Variants in MAP3K4 observed in about 807,000 individuals in gnomAD.
The protein encoded by MAP3K4 is MAP three kinase 1.
Under a neutral mutation model 185.6 loss-of-function variants are expected in MAP3K4, and 67 were observed. The ratio of observed to expected loss-of-function variants is 0.36; its 90% CI spans 0.30 to 0.44. The LOEUF is 0.44. MAP3K4 is among the 20% of genes least tolerant of loss of function. The probability of loss-of-function intolerance (pLI) is 1.00; values close to 1 mark genes in which losing one functional copy is unlikely to be tolerated. For missense variants in MAP3K4, 1,551 were observed against 1,995.1 expected (o/e 0.78, Z 4.24); for synonymous variants, 702 against 710.4 (o/e 0.99, Z 0.19).
At position 161,098,399 on chromosome 6, in the gene MAP3K4, A is replaced by G; in HGVS notation, c.3646A>G (p.Lys1216Glu). The part of the protein sequence containing the change: ...SPSGGDSVLP[K>E]SISSAHDTRG... Reference sequence around the variant, plus strand: ...CTCTGGTGGTGACTCTGTGCTGCCCAAATCCATCAGCAGTGCCCATGATAC... The same window carrying G: ...CTCTGGTGGTGACTCTGTGCTGCCCGAATCCATCAGCAGTGCCCATGATAC... Residue 1216 changes from lysine to glutamate, a missense_variant, in exon 17 of 27, where the codon AAA (lysine) becomes GAA (glutamate). This residue lies in a region of MAP3K4 where 272 missense variants were observed against 301.2 expected (regional missense o/e 0.90). Transcript: ENST00000392142. The surrounding 1 kb of genome is among the most constrained non-coding windows in gnomAD (Gnocchi z 4.4). 6.2e-7 allele frequency: 1 copy of G among 1,613,814 alleles called. No individual in the cohort carries two copies. The highest frequency in any genetic ancestry group is 8.5e-7 in the Non-Finnish European group (1 of 1,179,960).
At chr6:161,010,866 G>T (rs765648612) in intron 1 of MAP3K4, among the ~76,000 whole-genome samples, 1 of 152,178 alleles carries the variant, frequency 6.6e-6, no homozygotes, top group Non-Finnish European at 1.5e-5. Flanking sequence ...TATATTTATT[G>T]TGTATAGCTT....
At position 161,082,949 on chromosome 6, in the gene MAP3K4, A is replaced by C. The variant is rs1785526921; in HGVS notation, c.2256-1552A>C. 6.6e-6 allele frequency among the ~76,000 whole-genome samples: 1 copy of C among 152,198 alleles called. No homozygotes were observed. On this transcript the variant is annotated intron_variant, in intron 6 of 26. Transcript: ENST00000392142. The surrounding 1 kb of genome is among the most constrained non-coding windows in gnomAD (Gnocchi z 4.2). ...CTCCCCATCTTACTCAGGAAACGTA[A>C]GACTGCCTAACAATGGCCCGCAAGG...
chr6:160,994,005 A>C (rs1780873398), intron 1 of MAP3K4, among the ~76,000 whole-genome samples: 1 of 151,994 alleles, frequency 6.6e-6, no homozygotes, highest in Non-Finnish European at 1.5e-5. Context: ...TGACAGAATT[A>C]CTGTAGATCT....
In MAP3K4 at chr6:161,100,208, G is replaced by A. The variant is rs147930791; in HGVS notation, c.3675-1684G>A. On this transcript the variant is annotated intron_variant, in intron 17 of 26. Transcript: ENST00000392142. The surrounding 1 kb of genome is among the most constrained non-coding windows in gnomAD (Gnocchi z 5.8). ...GGGCCCGTGAGTCACTGGTGGATTC[G>A]GCCCACTGCTCCCGAGGCAGACTTC... 3.5e-3 allele frequency among the ~76,000 whole-genome samples: 526 copies of A among 152,182 alleles called. 4 individuals are homozygous for A. The highest frequency in any genetic ancestry group is 0.012 in the African/African-American group (501 of 41,512).
chr6:161,048,470 A>G lies in MAP3K4; in HGVS notation c.344-146A>G, dbSNP rs1200977051. ...GTCATATATATTTTTTGATTCCTTT[A>G]ATTTTTAGGATATGGTATGCTTTTT... On this transcript the variant is annotated intron_variant, in intron 2 of 26. Coordinates refer to ENST00000392142, the MANE Select transcript of MAP3K4 (RefSeq NM_005922.4). The surrounding 1 kb of genome is among the most constrained non-coding windows in gnomAD (Gnocchi z 4.7). 6 of 598,152 alleles carry G rather than the reference A, an allele frequency of 1.0e-5. No homozygotes were observed. The highest frequency in any genetic ancestry group is 1.7e-5 in the Non-Finnish European group (6 of 350,530). 37.1% of individuals were successfully genotyped at this position (598,152 alleles called of 1,614,324 possible).
At position 161,049,687 on chromosome 6, in the gene MAP3K4, C is replaced by A. The variant is rs747572106; in HGVS notation, c.1415C>A (p.Pro472Gln). Residue 472 changes from proline (P) to glutamine (Q), a missense_variant, in exon 3 of 27, where the codon CCG (proline) becomes CAG (glutamine). Pro to Gln is a moderately conservative substitution (Grantham distance 76, BLOSUM62 -1). Around this residue, in one of 16 missense-constraint regions of MAP3K4, gnomAD observed 126 missense variants for 112.8 expected, o/e 1.12. Coordinates refer to ENST00000392142, the MANE Select transcript of MAP3K4 (RefSeq NM_005922.4). The surrounding 1 kb of genome is among the most constrained non-coding windows in gnomAD (Gnocchi z 8.4). The part of the protein sequence containing the change: ...EEEQISDPRV[P>Q]EIRQPIDNSF... ...GAACAAATCTCTGATCCTAGGGTACCGGAAATCAGACAGCCCATAGATAAC... is the reference window on the plus strand; with the variant it reads ...GAACAAATCTCTGATCCTAGGGTACAGGAAATCAGACAGCCCATAGATAAC... The A allele has an allele frequency of 3.1e-6, 5 of 1,614,026 alleles. No individual in the cohort carries two copies. In the South Asian group the frequency reaches 5.5e-5, roughly 18 times the overall value.
chr6:161,101,927 C>T lies in MAP3K4; in HGVS notation c.3710C>T (p.Ser1237Phe), dbSNP rs751808280. ...SSVPENDRLASIAAELQFRSL... is the reference protein window; with the variant it reads ...SSVPENDRLAFIAAELQFRSL... ...GTTCCTGAAAATGATCGATTGGCTT[C>T]CATAGCTGCTGAATTGCAGTTTAGG... Residue 1237 changes from serine (S) to phenylalanine (F), a missense_variant, in exon 18 of 27, where the codon TCC becomes TTC. Ser to Phe is a radical substitution (Grantham distance 155). Around this residue, in one of 16 missense-constraint regions of MAP3K4, gnomAD observed 272 missense variants for 301.2 expected, o/e 0.90. Transcript: ENST00000392142. The surrounding 1 kb of genome is among the most constrained non-coding windows in gnomAD (Gnocchi z 5.1). The T allele has an allele frequency of 2.9e-5, 46 of 1,613,962 alleles. No homozygotes were observed. Among genetic ancestry groups the T allele is most frequent in the Non-Finnish European group, 3.9e-5 (46 of 1,179,988 alleles).
Position 161,108,536 on chromosome 6 carries a change from C to T in MAP3K4, c.4120-207C>T, listed in dbSNP as rs1778208508. Among the ~76,000 whole-genome samples the T allele has an allele frequency of 6.6e-6, 1 of 152,140 alleles. No homozygotes were observed. Among genetic ancestry groups the T allele is most frequent in the Non-Finnish European group, 1.5e-5 (1 of 68,028 alleles). The stretch of plus-strand genomic sequence containing the variant: ...CTCCCTCTCGGAGCAGGGCCTCTTC[C>T]TCCTCTGTGCCCGGGACCTACCCGC... On this transcript the variant is annotated intron_variant, in intron 21 of 26. Coordinates refer to ENST00000392142, the MANE Select transcript of MAP3K4 (RefSeq NM_005922.4). The surrounding 1 kb of genome is among the most constrained non-coding windows in gnomAD (Gnocchi z 5.7).
Position 161,046,534 on chromosome 6 carries a change from TAA to T in MAP3K4, c.344-2081_344-2080del, listed in dbSNP as rs1554277427. On this transcript the variant is annotated intron_variant, in intron 2 of 26. Coordinates refer to ENST00000392142, the MANE Select transcript of MAP3K4 (RefSeq NM_005922.4). ...AAATTTTAAATTTAAAAAATAATAA[TAA>T]TAGTAGTTTGTATACTAAAATACAG... 5.8e-4 allele frequency among the ~76,000 whole-genome samples: 6 copies of T among 10,286 alleles called. No individual in the cohort carries two copies. In the Admixed American group the frequency reaches 9.8e-3, roughly 17 times the overall value. The allele number at this position is 10,286 out of a possible 152,430, so 6.7% of individuals were successfully genotyped here. A position where few individuals can be genotyped will look rare whatever the true frequency, so the allele number is the denominator to read the frequency against.
intron 1 of MAP3K4, among the ~76,000 whole-genome samples, chr6:161,015,649 C>T (rs897465784): frequency 1.3e-5 from 2 of 152,084 alleles, no homozygotes; most frequent in African/African-American, 4.8e-5. Context: ...GAAGGGGAGC[C>T]AGCGTGTGCA....
intron 3 of MAP3K4, among the ~76,000 whole-genome samples, chr6:161,057,590 A>G (rs896638559): frequency 5.0e-4 from 76 of 152,182 alleles, no homozygotes; most frequent in African/African-American, 1.8e-3. Flanking sequence ...GAGCACTGAC[A>G]TTGTAAACAA....
At chr6:161,081,188 G>A (rs965021437) in intron 6 of MAP3K4, 150 bp downstream of exon 6, 1 of 859,436 alleles carries the variant, frequency 1.2e-6, no homozygotes, top group Admixed American at 3.1e-5. Context: ...TCCAAGTTTT[G>A]AGTGGTGTTT....
rs1436929288 is a variant in MAP3K4, at chr6:161,074,112, T to C, written c.2097+500T>C. On this transcript the variant is annotated intron_variant, in intron 5 of 26. Coordinates refer to ENST00000392142, the MANE Select transcript of MAP3K4 (RefSeq NM_005922.4). This position sits in a 1 kb window ranked among gnomAD's most constrained non-coding sequence, Gnocchi z 5.0. Reference sequence around the variant, plus strand: ...CGTAGTCTGGTGGGACTAGGCATGGTAGATGGTAACGCCCCCGAGGGCTCG... The same window carrying C: ...CGTAGTCTGGTGGGACTAGGCATGGCAGATGGTAACGCCCCCGAGGGCTCG... 6.6e-6 allele frequency among the ~76,000 whole-genome samples: 1 copy of C among 152,188 alleles called. No individual in the cohort carries two copies. Among genetic ancestry groups the C allele is most frequent in the Non-Finnish European group, 1.5e-5 (1 of 68,032 alleles).
In MAP3K4 at chr6:161,112,885, C is replaced by T. The variant is rs1176796085; in HGVS notation, c.4626+111C>T. On this transcript the variant is annotated intron_variant, in intron 25 of 26. Coordinates refer to ENST00000392142, the MANE Select transcript of MAP3K4 (RefSeq NM_005922.4). This position sits in a 1 kb window ranked among gnomAD's most constrained non-coding sequence, Gnocchi z 5.1. ...TACAAACACTGTGGACACTAAATAG[C>T]GAACGATATTAGATACAAAAATCTG... 4 of 589,288 alleles carry T rather than the reference C, an allele frequency of 6.8e-6. No homozygotes were observed. The highest frequency in any genetic ancestry group is 1.2e-4 in the South Asian group (2 of 17,254). 36.5% of individuals were successfully genotyped at this position (589,288 alleles called of 1,614,324 possible). A position where few individuals can be genotyped will look rare whatever the true frequency, so the allele number is the denominator to read the frequency against.
At chr6:161,018,509 C>T (rs1012847907) in intron 1 of MAP3K4, among the ~76,000 whole-genome samples, 1 of 152,054 alleles carries the variant, frequency 6.6e-6, no homozygotes, top group Non-Finnish European at 1.5e-5. Context: ...GGAAAAGCTT[C>T]TATGGAATTG....
intron 13 of MAP3K4, 108 bp from the exon 14 acceptor site, chr6:161,092,870 G>T: frequency 3.1e-6 from 2 of 637,516 alleles, no homozygotes; most frequent in Non-Finnish European, 5.5e-6. Flanking sequence ...AAAGTGTCTT[G>T]TCCTAAATAG....
intron 2 of MAP3K4, among the ~76,000 whole-genome samples, chr6:161,042,554 T>TA: frequency 6.6e-6 from 1 of 152,314 alleles, no homozygotes; most frequent in African/African-American, 2.4e-5. Context: ...ATAATGGTAG[T>TA]CATTACCAAT....
intron 2 of MAP3K4, among the ~76,000 whole-genome samples, chr6:161,044,111 A>G (rs1783612987): frequency 6.6e-6 from 1 of 152,168 alleles, no homozygotes; most frequent in Admixed American, 6.6e-5. Context: ...TGATTTTACC[A>G]GAATTATTGG....
At position 161,043,828 on chromosome 6, in the gene MAP3K4, T is replaced by C. The variant is rs1012452734; in HGVS notation, c.344-4788T>C. ...CATCATTACTCTGAAGATCATCTCA[T>C]ACTTAAAGATTATCCATCTGTTTAC... On this transcript the variant is annotated intron_variant, in intron 2 of 26. Transcript: ENST00000392142. The surrounding 1 kb of genome is among the most constrained non-coding windows in gnomAD (Gnocchi z 4.3). 5.9e-5 allele frequency among the ~76,000 whole-genome samples: 9 copies of C among 152,212 alleles called. No homozygotes were observed. Among genetic ancestry groups the C allele is most frequent in the Non-Finnish European group, 1.2e-4 (8 of 68,034 alleles).
Sources: allele counts gnomAD v4.1 joint callset (sites outside exome capture counted in the v4.1 genomes callset), GRCh38; gene constraint gnomAD v4.1.1; regional missense constraint gnomAD v4.1.1; non-coding constraint Gnocchi (gnomAD v3.1); transcripts MANE v1.5; gene names NCBI Gene and HGNC (gene_info 2026-07-23, HGNC 2026-07-21).